Variants in CAPZB observed in about 807,000 individuals in gnomAD.
CAPZB encodes the protein F-actin-capping protein subunit beta.
CAPZB carries 2 observed loss-of-function variants against 38.1 expected under a neutral mutation model. The observed-to-expected ratio is 0.05, with a 90% confidence interval of 0.02 to 0.17. The LOEUF is 0.17. CAPZB is among the 10% of genes least tolerant of loss of function. CAPZB has a pLI of 1.00. For missense variants in CAPZB, 161 were observed against 334.2 expected (o/e 0.48, Z 4.04); for synonymous variants, 107 against 127.4 (o/e 0.84, Z 1.08).
At chr1:19,393,544 T>C (rs2094249378) in intron 2 of CAPZB, among the ~76,000 whole-genome samples, 2 of 152,138 alleles carry the variant, frequency 1.3e-5, no homozygotes, top group African/African-American at 4.8e-5. Context: ...TGGAGAGGAA[T>C]GAGAATCTCA....
At chr1:19,371,446 C>T (rs1218656107) in intron 4 of CAPZB, among the ~76,000 whole-genome samples, 1 of 152,230 alleles carries the variant, frequency 6.6e-6, no homozygotes, top group Non-Finnish European at 1.5e-5. Context: ...GTCTGACGCA[C>T]AGTGTGTCAC....
At chr1:19,361,556 C>T (rs200489561) in intron 4 of CAPZB, among the ~76,000 whole-genome samples, 3 of 152,358 alleles carry the variant, frequency 2.0e-5, no homozygotes, top group South Asian at 2.1e-4. Context: ...GCACAGACAG[C>T]GCCCCCGCTA....
At chr1:19,446,931 C>T (rs186991554) in intron 1 of CAPZB, among the ~76,000 whole-genome samples, 9 of 152,296 alleles carry the variant, frequency 5.9e-5, no homozygotes, top group Admixed American at 5.9e-4. Flanking sequence ...TGATCCATCA[C>T]GCCAACTGGA....
At chr1:19,369,244 G>T (rs1270056975) in intron 4 of CAPZB, among the ~76,000 whole-genome samples, 1 of 152,250 alleles carries the variant, frequency 6.6e-6, no homozygotes, top group Admixed American at 6.5e-5. Flanking sequence ...CAACATGCAA[G>T]CCTGTCTAGA....
intron 1 of CAPZB, among the ~76,000 whole-genome samples, chr1:19,480,141 C>T (rs1401343883): frequency 6.6e-6 from 1 of 152,162 alleles, no homozygotes; most frequent in Non-Finnish European, 1.5e-5. Context: ...AGTACTACTT[C>T]ATTCCTGCTG....
At chr1:19,388,081 A>G (rs907381772) in intron 2 of CAPZB, among the ~76,000 whole-genome samples, 30 of 152,318 alleles carry the variant, frequency 2.0e-4, no homozygotes, top group African/African-American at 6.3e-4. Context: ...TTCTCCTGCC[A>G]GGCACACTGC....
chr1:19,405,541 C>CAAAAAAAAAAAAAAAAAA (rs10577923), intron 2 of CAPZB, among the ~76,000 whole-genome samples: 2 of 96,494 alleles, frequency 2.1e-5, no homozygotes, highest in African/African-American at 8.9e-5. Flanking sequence ...TAGAAAGAGG[C>CAAAAAAAAAAAAAAAAAA]AAAAAAAAAA....
At chr1:19,387,203 C>A (rs1169291776) in intron 2 of CAPZB, among the ~76,000 whole-genome samples, 2 of 152,198 alleles carry the variant, frequency 1.3e-5, no homozygotes, top group African/African-American at 4.8e-5. Context: ...ACACAAGAAG[C>A]AAGCAGTGGA....
chr1:19,450,144 C>CAAAAAAA (rs71008167), intron 1 of CAPZB, among the ~76,000 whole-genome samples: 23 of 35,362 alleles, frequency 6.5e-4, no homozygotes, highest in South Asian at 1.2e-3. Context: ...ACCCTGTCTC[C>CAAAAAAA]AAAAAAAAAA....
chr1:19,408,747 G>T (rs1302497868), intron 2 of CAPZB, among the ~76,000 whole-genome samples: 1 of 152,184 alleles, frequency 6.6e-6, no homozygotes, highest in East Asian at 1.9e-4. Flanking sequence ...GAGACCCAAA[G>T]ACCTGCAATT....
At chr1:19,478,807 C>T (rs572605737) in intron 1 of CAPZB, among the ~76,000 whole-genome samples, 1 of 152,352 alleles carries the variant, frequency 6.6e-6, no homozygotes, top group Admixed American at 6.5e-5. Flanking sequence ...GGGAGCATAG[C>T]GCAGTGCCAG....
chr1:19,464,870 T>C (rs573942866), intron 1 of CAPZB, among the ~76,000 whole-genome samples: 119 of 152,094 alleles, frequency 7.8e-4, no homozygotes, highest in African/African-American at 2.6e-3. Flanking sequence ...AGTGGTTGTC[T>C]AGGGATGGGG....
At chr1:19,370,680 G>A (rs978393111) in intron 4 of CAPZB, among the ~76,000 whole-genome samples, 1 of 152,142 alleles carries the variant, frequency 6.6e-6, no homozygotes, top group African/African-American at 2.4e-5. Flanking sequence ...GGAGTGGTAA[G>A]AGCCCTCCTG....
At chr1:19,484,816 G>C (rs2094645016) in intron 1 of CAPZB, 2 of 439,520 alleles carry the variant, frequency 4.6e-6, no homozygotes, top group Non-Finnish European at 6.0e-6. Flanking sequence ...AGGTCCAGAC[G>C]GGGGCCATGG....
intron 2 of CAPZB, among the ~76,000 whole-genome samples, chr1:19,404,587 C>T (rs1367979829): frequency 6.6e-6 from 1 of 151,022 alleles, no homozygotes; most frequent in Non-Finnish European, 1.5e-5. Flanking sequence ...AAAATGCTCG[C>T]TTGTCATTGC....
chr1:19,455,414 T>C (rs1413435607), intron 1 of CAPZB, among the ~76,000 whole-genome samples: 1 of 152,246 alleles, frequency 6.6e-6, no homozygotes, highest in East Asian at 1.9e-4. Flanking sequence ...AGAAGATCGC[T>C]GGGTGGCCAC....
chr1:19,429,034 T>C (rs908687575), intron 1 of CAPZB, among the ~76,000 whole-genome samples: 1 of 152,202 alleles, frequency 6.6e-6, no homozygotes, highest in Non-Finnish European at 1.5e-5. Flanking sequence ...TAAAATGTAT[T>C]ACCTGCTCTA....
chr1:19,364,694 C>T (rs959123131), intron 4 of CAPZB, among the ~76,000 whole-genome samples: 3 of 152,150 alleles, frequency 2.0e-5, no homozygotes, highest in African/African-American at 4.8e-5. Flanking sequence ...AAGTGTTAAC[C>T]AATGCATAGC....
intron 1 of CAPZB, among the ~76,000 whole-genome samples, chr1:19,475,601 C>T (rs1366205827): frequency 6.6e-6 from 1 of 152,218 alleles, no homozygotes; most frequent in Non-Finnish European, 1.5e-5. Context: ...CGACTGAGAG[C>T]CTGACACTGA....
Sources: allele counts gnomAD v4.1 joint callset (sites outside exome capture counted in the v4.1 genomes callset), GRCh38; gene constraint gnomAD v4.1.1; transcripts MANE v1.5; gene names NCBI Gene and HGNC (gene_info 2026-07-23, HGNC 2026-07-21).